The following ZNF727 variants were observed in gnomAD, a reference collection of about 807,000 sequenced individuals.
ZNF727 encodes the protein putative zinc finger protein 727.
ZNF727 carries 11 observed loss-of-function variants against 11.5 expected under a neutral mutation model. The observed-to-expected ratio is 0.95, with a 90% CI of 0.60 to 1.58. The LOEUF is 1.58. ZNF727 is among the 40% of genes most tolerant of loss of function. The probability of loss-of-function intolerance (pLI) is 0.00; values close to 1 mark genes in which losing one functional copy is unlikely to be tolerated. For synonymous variants in ZNF727, 171 were observed against 196.1 expected, an observed-to-expected ratio of 0.87 and a Z score of 1.07; for missense variants, 533 against 581.7, an observed-to-expected ratio of 0.92 and a Z score of 0.86.
intron 1 of ZNF727, among the ~76,000 whole-genome samples, chr7:64,052,868 C>G (rs2116274262): frequency 6.6e-6 from 1 of 152,348 alleles, no homozygotes; most frequent in Admixed American, 6.5e-5. Context: ...TGCTGGATTT[C>G]AAACTTGCGT....
rs565302864 is a variant in ZNF727 at position 64,068,886 on chromosome 7, T to G, written c.4-5T>G. 42 of 1,584,192 alleles carry G rather than the reference T, an allele frequency of 2.7e-5. No individual in the cohort carries two copies. In the Admixed American group the frequency reaches 2.9e-4, roughly 11 times the overall value. ...GTCACTTGGTAAATATGTTTTGTTT[T>G]TCAGCGAGTGCTAACATTCAGGGAT... is the stretch of plus-strand genomic sequence containing the variant. On this transcript the variant is annotated splice_polypyrimidine_tract_variant and splice_region_variant and intron_variant, in intron 1 of 3. Transcript: ENST00000456806.
Position 64,069,581 on chromosome 7 carries a change from G to A in ZNF727, c.198G>A (p.Arg66=), listed in dbSNP as rs746042269. The A allele has an allele frequency of 1.5e-5, 23 of 1,563,180 alleles. 1 individual carries two copies. In the Middle Eastern group the frequency reaches 6.7e-4, roughly 45 times the overall value. The change falls in exon 3 of 4, where the codon AGG becomes AGA. Residue 66 remains arginine, a synonymous_variant. Coordinates refer to ENST00000456806, the MANE Select transcript of ZNF727 (RefSeq NM_001159522.3). ...AAAGAAAAGAGCCTTGGAATGCGAG[G>A]AGACAGAAGACAGTAGCCAAACACC... The part of the protein sequence containing the change: ...LEQRKEPWNA[R]RQKTVAKHPA...
intron 1 of ZNF727, among the ~76,000 whole-genome samples, chr7:64,058,648 TC>T (rs1180549443): frequency 6.6e-6 from 1 of 152,186 alleles, no homozygotes; most frequent in Non-Finnish European, 1.5e-5. Flanking sequence ...TTCTACTAAC[TC>T]TGGATTTTCC....
At chr7:64,049,579 T>C (rs1789559221) in intron 1 of ZNF727, among the ~76,000 whole-genome samples, 1 of 151,922 alleles carries the variant, frequency 6.6e-6, no homozygotes, top group African/African-American at 2.4e-5. Context: ...CTATTAGTCA[T>C]GTAGTAAACA....
At chr7:64,067,761 G>C (rs1257890151) in intron 1 of ZNF727, among the ~76,000 whole-genome samples, 1 of 152,066 alleles carries the variant, frequency 6.6e-6, no homozygotes, top group Non-Finnish European at 1.5e-5. Context: ...AGGGGAGGGA[G>C]AGCATTAGGA....
chr7:64,069,069 C>T, intron 2 of ZNF727, 52 bp downstream of exon 2: 2 of 1,458,886 alleles, frequency 1.4e-6, no homozygotes, highest in East Asian at 2.6e-5. Context: ...TATTTTATTT[C>T]CTCTTTTTTT....
At chr7:64,058,628 A>G (rs1042288821) in intron 1 of ZNF727, among the ~76,000 whole-genome samples, 14 of 152,306 alleles carry the variant, frequency 9.2e-5, no homozygotes, top group Middle Eastern at 3.4e-3. Flanking sequence ...TGTGTAGCAC[A>G]AGTTAGTCTT....
intron 1 of ZNF727, among the ~76,000 whole-genome samples, chr7:64,055,173 C>T (rs1272291296): frequency 6.6e-6 from 1 of 152,022 alleles, no homozygotes; most frequent in Admixed American, 6.6e-5. Flanking sequence ...AATCCCAGCA[C>T]TTTGGGAGGC....
In ZNF727 at chr7:64,077,404, C is replaced by A; in HGVS notation, c.355C>A (p.Arg119Ser). 6.4e-7 allele frequency: 1 copy of A among 1,551,830 alleles called. No homozygotes were observed. The highest frequency in any genetic ancestry group is 8.7e-7 in the Non-Finnish European group (1 of 1,147,022). The change falls in exon 4 of 4, where the codon CGT (arginine) becomes AGT (serine). Residue 119 changes from arginine to serine, a missense_variant. By Grantham distance (110) the Arg-to-Ser change is moderately radical. This residue lies in a region of ZNF727 where 463 missense variants were observed against 494.5 expected (regional missense o/e 0.94). Coordinates refer to ENST00000456806, the MANE Select transcript of ZNF727 (RefSeq NM_001159522.3). ...TTTACGTTTAAAGAAAGACTACCAA[C>A]GTGTGGGTAATTGCAAGGGGCAGAA... ...NTLRLKKDYQ[R>S]VGNCKGQKSS...
In ZNF727 at chr7:64,083,078, C is replaced by T. The variant is rs1785817785; in HGVS notation, c.*4529C>T. 6.6e-6 allele frequency among the ~76,000 whole-genome samples: 1 copy of T among 152,212 alleles called. No individual in the cohort carries two copies. Among genetic ancestry groups the T allele is most frequent in the Middle Eastern group, 3.2e-3 (1 of 316 alleles). On this transcript the variant is annotated 3_prime_UTR_variant, in exon 4 of 4. Transcript: ENST00000456806. The stretch of plus-strand genomic sequence containing the variant: ...ATCCCAAAGAGGATTCAAAACTCCA[C>T]TGATCAAAGAGCACCTGTGGTGGTA...
intron 1 of ZNF727, among the ~76,000 whole-genome samples, chr7:64,065,454 T>C (rs1240808073): frequency 1.3e-5 from 2 of 152,206 alleles, no homozygotes; most frequent in Admixed American, 1.3e-4. Context: ...AGGCAGACTT[T>C]ATCTGCAATT....
chr7:64,060,243 A>G (rs140562492), intron 1 of ZNF727, among the ~76,000 whole-genome samples: 8 of 152,344 alleles, frequency 5.3e-5, no homozygotes, highest in African/African-American at 1.9e-4. Context: ...TGGTTTAATT[A>G]TGTAATAAAA....
At chr7:64,076,376 C>G (rs1317612412) in intron 3 of ZNF727, among the ~76,000 whole-genome samples, 2 of 151,986 alleles carry the variant, frequency 1.3e-5, no homozygotes, top group East Asian at 3.9e-4. Context: ...TTTGAGTGGT[C>G]CAGGCGGGCG....
At chr7:64,073,933 G>A (rs1016694876) in intron 3 of ZNF727, among the ~76,000 whole-genome samples, 1 of 152,124 alleles carries the variant, frequency 6.6e-6, no homozygotes, top group Non-Finnish European at 1.5e-5. Flanking sequence ...AAGGGAGACA[G>A]ACTCTATTAA....
At chr7:64,047,410 G>T (rs1406003266) in intron 1 of ZNF727, among the ~76,000 whole-genome samples, 2 of 152,242 alleles carry the variant, frequency 1.3e-5, no homozygotes, top group Non-Finnish European at 2.9e-5. Flanking sequence ...AAAGCAGAGA[G>T]TAATCACCTG....
chr7:64,061,105 TG>T (rs1473994781), intron 1 of ZNF727, among the ~76,000 whole-genome samples: 7 of 152,200 alleles, frequency 4.6e-5, no homozygotes, highest in Non-Finnish European at 1.0e-4. Context: ...GGTCTATCCT[TG>T]AGAATAACCC....
intron 3 of ZNF727, among the ~76,000 whole-genome samples, chr7:64,070,622 A>G (rs1243810323): frequency 6.6e-6 from 1 of 152,038 alleles, no homozygotes; most frequent in Non-Finnish European, 1.5e-5. Flanking sequence ...AACCTTACAT[A>G]CTTACTTTTT....
intron 3 of ZNF727, among the ~76,000 whole-genome samples, chr7:64,073,184 A>C (rs1428361791): frequency 1.3e-5 from 2 of 151,920 alleles, no homozygotes; most frequent in Non-Finnish European, 2.9e-5. Context: ...TTTTTGTTTA[A>C]ATAACCTCTG....
At chr7:64,061,704 C>CA (rs1333230676) in intron 1 of ZNF727, among the ~76,000 whole-genome samples, 2 of 151,914 alleles carry the variant, frequency 1.3e-5, no homozygotes, top group Non-Finnish European at 2.9e-5. Flanking sequence ...AATAAAGACA[C>CA]ATCTGCCATT....
Sources: gnomAD v4.1 joint callset for allele counts (sites outside exome capture counted in the v4.1 genomes callset) on GRCh38, gnomAD v4.1.1 for gene constraint, gnomAD v4.1.1 regional missense constraint, MANE v1.5 for transcripts, NCBI Gene and HGNC (gene_info 2026-07-23, HGNC 2026-07-21) for gene names.